PRKN: variants seen among roughly 807,000 people sequenced by gnomAD.
PRKN encodes parkin RBR E3 ubiquitin protein ligase, also known as E3 ubiquitin-protein ligase parkin.
PRKN carries 56 observed loss-of-function variants against 59.5 expected under a neutral mutation model. The ratio of observed to expected loss-of-function variants is 0.94; its 90% confidence interval spans 0.76 to 1.18. PRKN has a LOEUF of 1.18. PRKN is among the 50% of genes most tolerant of loss of function. The pLI is 0.00. For missense variants in PRKN, 657 were observed against 596.4 expected (o/e 1.10, Z -1.06); for synonymous variants, 250 against 222.1 (o/e 1.13, Z -1.12).
chr6:162,452,901 C>A (rs944655142), intron 1 of PRKN, among the ~76,000 whole-genome samples: 1 of 146,440 alleles, frequency 6.8e-6, no homozygotes, highest in African/African-American at 2.6e-5. Context: ...AAAAAATACG[C>A]CAAGTAAAAT....
In PRKN at chr6:161,566,340, T is replaced by A. The variant is rs1220518737; in HGVS notation, c.933+3015A>T. Reference sequence around the variant, plus strand: ...ATAGGACACAGATCATGATTCCTCCTCCTAAAGATGCCTTCTTCCTTTGGC... The same window carrying A: ...ATAGGACACAGATCATGATTCCTCCACCTAAAGATGCCTTCTTCCTTTGGC... On this transcript the variant is annotated intron_variant, in intron 8 of 11. Transcript: ENST00000366898. The surrounding 1 kb of genome is among the most constrained non-coding windows in gnomAD (Gnocchi z 4.1). Among the ~76,000 whole-genome samples, 1 of 152,172 alleles carries A rather than the reference T, an allele frequency of 6.6e-6. No homozygotes were observed. Among genetic ancestry groups the A allele is most frequent in the Non-Finnish European group, 1.5e-5 (1 of 68,036 alleles).
chr6:162,274,142 T>C (rs969893950), intron 2 of PRKN, among the ~76,000 whole-genome samples: 1 of 151,956 alleles, frequency 6.6e-6, no homozygotes, highest in Non-Finnish European at 1.5e-5. Flanking sequence ...GTATATTATA[T>C]CTTCTTGTAA....
chr6:161,922,738 G>C (rs1778831011), intron 6 of PRKN, among the ~76,000 whole-genome samples: 1 of 152,148 alleles, frequency 6.6e-6, no homozygotes, highest in South Asian at 2.1e-4. Context: ...TGGAAATACA[G>C]GCAATGATTA....
At chr6:161,992,590 T>C (rs1484772885) in intron 5 of PRKN, among the ~76,000 whole-genome samples, 1 of 152,168 alleles carries the variant, frequency 6.6e-6, no homozygotes, top group Non-Finnish European at 1.5e-5. Context: ...AAATTGCACT[T>C]ATGACCAAAT....
chr6:161,919,896 G>A (rs972961308), intron 6 of PRKN, among the ~76,000 whole-genome samples: 3 of 152,156 alleles, frequency 2.0e-5, no homozygotes, highest in African/African-American at 4.8e-5. Context: ...GTAAGCATAC[G>A]TTTTTAATTA....
At chr6:161,609,944 C>G (rs146260350) in intron 7 of PRKN, among the ~76,000 whole-genome samples, 1 of 152,190 alleles carries the variant, frequency 6.6e-6, no homozygotes, top group African/African-American at 2.4e-5. Context: ...TGAGACTGTT[C>G]CCCATAGTTT....
chr6:162,592,763 T>G lies in PRKN; in HGVS notation c.7+134899A>C, dbSNP rs975591460. Reference sequence around the variant, plus strand: ...GATGTCAACAAAAATTTTAAAAGATTCAGAAGGATCAAAAGAGTGGGACAT... The same window carrying G: ...GATGTCAACAAAAATTTTAAAAGATGCAGAAGGATCAAAAGAGTGGGACAT... On this transcript the variant is annotated intron_variant, in intron 1 of 11. Transcript: ENST00000366898. Among the ~76,000 whole-genome samples the G allele has an allele frequency of 2.6e-5, 4 of 151,400 alleles. No individual in the cohort carries two copies. In the East Asian group the frequency reaches 7.7e-4, roughly 29 times the overall value.
intron 6 of PRKN, among the ~76,000 whole-genome samples, chr6:161,925,575 G>GA (rs1048079264): frequency 9.3e-5 from 14 of 150,336 alleles, no homozygotes; most frequent in Admixed American, 2.6e-4. Context: ...CATCTCAAAA[G>GA]AAAAAAAAAT....
chr6:161,449,766 C>T (rs1789647000), intron 9 of PRKN, among the ~76,000 whole-genome samples: 2 of 152,158 alleles, frequency 1.3e-5, no homozygotes, highest in Non-Finnish European at 2.9e-5. Context: ...CCGTAACCAG[C>T]CATACTTTCT....
intron 7 of PRKN, among the ~76,000 whole-genome samples, chr6:161,756,848 A>G (rs762110460): frequency 3.3e-5 from 5 of 152,192 alleles, no homozygotes; most frequent in Non-Finnish European, 5.9e-5. Flanking sequence ...ACTAAATGTA[A>G]ATCTACAGAA....
chr6:161,445,415 G>A lies in PRKN; in HGVS notation c.1084-58538C>T, dbSNP rs115111974. Among the ~76,000 whole-genome samples, 2 of 152,284 alleles carry A rather than the reference G, an allele frequency of 1.3e-5. No homozygotes were observed. Among genetic ancestry groups the A allele is most frequent in the African/African-American group, 4.8e-5 (2 of 41,562 alleles). ...CAAGCAGCGTAGATTGATCAGAGGA[G>A]CTGAGAGCTGAGGCCCACCCTCCCC... On this transcript the variant is annotated intron_variant, in intron 9 of 11. Coordinates refer to ENST00000366898, the MANE Select transcript of PRKN (RefSeq NM_004562.3). This position sits in a 1 kb window ranked among gnomAD's most constrained non-coding sequence, Gnocchi z 7.7.
intron 9 of PRKN, among the ~76,000 whole-genome samples, chr6:161,425,994 T>C (rs1788335166): frequency 6.6e-6 from 1 of 152,030 alleles, no homozygotes; most frequent in Non-Finnish European, 1.5e-5. Flanking sequence ...GGAGTGACAG[T>C]GGAGTGTTCC....
At chr6:161,427,639 C>A (rs1231542404) in intron 9 of PRKN, among the ~76,000 whole-genome samples, 1 of 152,144 alleles carries the variant, frequency 6.6e-6, no homozygotes, top group Non-Finnish European at 1.5e-5. Flanking sequence ...CGTTTTGTGA[C>A]ATGGATGTAA....
At chr6:161,708,699 G>A (rs185966282) in intron 7 of PRKN, among the ~76,000 whole-genome samples, 4 of 152,284 alleles carry the variant, frequency 2.6e-5, no homozygotes, top group African/African-American at 9.6e-5. Flanking sequence ...TATCATTAGA[G>A]CAACTTTGTG....
chr6:161,891,155 C>T (rs1217299790), intron 6 of PRKN, among the ~76,000 whole-genome samples: 1 of 152,132 alleles, frequency 6.6e-6, no homozygotes, highest in African/African-American at 2.4e-5. Context: ...AGAACTTGGC[C>T]GTGTTTAAAA....
intron 4 of PRKN, among the ~76,000 whole-genome samples, chr6:162,185,966 T>C (rs1314963861): frequency 6.6e-6 from 1 of 152,002 alleles, no homozygotes; most frequent in East Asian, 1.9e-4. Context: ...GAGAAAATCT[T>C]TAGATTTTTT....
intron 7 of PRKN, among the ~76,000 whole-genome samples, chr6:161,776,941 A>G (rs1789949970): frequency 6.6e-6 from 1 of 152,224 alleles, no homozygotes; most frequent in Non-Finnish European, 1.5e-5. Context: ...TAAATTAGAA[A>G]TGTTCTTTTC....
At position 161,552,584 on chromosome 6, in the gene PRKN, C is replaced by A. The variant is rs7765268; in HGVS notation, c.934-3581G>T. On this transcript the variant is annotated intron_variant, in intron 8 of 11. Coordinates refer to ENST00000366898, the MANE Select transcript of PRKN (RefSeq NM_004562.3). The surrounding 1 kb of genome is among the most constrained non-coding windows in gnomAD (Gnocchi z 4.9). ...CAAATCCTTCCACATTGAAAAAAAA[C>A]AAAAACAAAAAACAAAAAACAAAAA... is the stretch of plus-strand genomic sequence containing the variant. 0.46 allele frequency among the ~76,000 whole-genome samples: 65,830 copies of A among 142,262 alleles called. 15,726 individuals are homozygous for A. The highest frequency in any genetic ancestry group is 0.64 in the East Asian group (3,019 of 4,744). 93.3% of individuals were successfully genotyped at this position (142,262 alleles called of 152,430 possible).
At chr6:161,692,043 G>A (rs1785817972) in intron 7 of PRKN, among the ~76,000 whole-genome samples, 2 of 152,140 alleles carry the variant, frequency 1.3e-5, no homozygotes, top group Admixed American at 1.3e-4. Flanking sequence ...AACTGCTTAT[G>A]TTTTGCCTCT....
Sources: gnomAD v4.1 joint callset for allele counts (sites outside exome capture counted in the v4.1 genomes callset) on GRCh38, gnomAD v4.1.1 for gene constraint, Gnocchi (gnomAD v3.1) non-coding constraint, MANE v1.5 for transcripts, NCBI Gene and HGNC (gene_info 2026-07-23, HGNC 2026-07-21) for gene names.